KDF1: variants seen among roughly 807,000 people sequenced by gnomAD.
KDF1 encodes the protein RP11-344H11.3.
KDF1 carries 11 observed loss-of-function variants against 31.6 expected under a neutral mutation model. That is an observed-to-expected ratio of 0.35 (90% CI 0.22 to 0.58). The LOEUF (loss-of-function observed/expected upper bound fraction) is 0.58. KDF1 is among the 20% of genes least tolerant of loss of function. The probability of loss-of-function intolerance (pLI) is 0.83; values close to 1 mark genes in which losing one functional copy is unlikely to be tolerated. For missense variants in KDF1, 476 were observed against 549.1 expected (o/e 0.87, Z 1.33); for synonymous variants, 205 against 214.4 (o/e 0.96, Z 0.38).
Position 26,949,856 on chromosome 1 carries a change from C to A in KDF1, c.*213G>T. The A allele has an allele frequency of 1.9e-6, 1 of 513,116 alleles. No individual in the cohort carries two copies. The highest frequency in any genetic ancestry group is 2.1e-5 in the South Asian group (1 of 47,242). 31.8% of individuals were successfully genotyped at this position (513,116 alleles called of 1,614,324 possible). A position where few individuals can be genotyped will look rare whatever the true frequency, so the allele number is the denominator to read the frequency against. On this transcript the variant is annotated 3_prime_UTR_variant, in exon 4 of 4. Coordinates refer to ENST00000320567, the MANE Select transcript of KDF1 (RefSeq NM_152365.3). ...ATGAGCAGGAAGGAAGGGGCCCTGG[C>A]AGGGATCAGACCAGCTGGGGATGCA...
chr1:26,951,276 T>A lies in KDF1; in HGVS notation c.1039+66A>T. On this transcript the variant is annotated intron_variant, in intron 2 of 3. Coordinates refer to ENST00000320567, the MANE Select transcript of KDF1 (RefSeq NM_152365.3). This position sits in a 1 kb window ranked among gnomAD's most constrained non-coding sequence, Gnocchi z 5.4. ...AGACCCACAGTGACTAAAGACCCCATTCCAACCCTCCCCTGGCCAGAGCCT... is the reference window on the plus strand; with the variant it reads ...AGACCCACAGTGACTAAAGACCCCAATCCAACCCTCCCCTGGCCAGAGCCT... 7.0e-7 allele frequency: 1 copy of A among 1,420,664 alleles called. No homozygotes were observed. The highest frequency in any genetic ancestry group is 1.4e-5 in the African/African-American group (1 of 69,374). The allele number at this position is 1,420,664 out of a possible 1,614,324, so 88.0% of individuals were successfully genotyped here.
At position 26,951,213 on chromosome 1, in the gene KDF1, C is replaced by T. The variant is rs1470044796; in HGVS notation, c.1039+129G>A. 4.2e-5 allele frequency: 43 copies of T among 1,031,938 alleles called. No individual in the cohort carries two copies. The highest frequency in any genetic ancestry group is 5.9e-5 in the Non-Finnish European group (43 of 732,254). The allele number at this position is 1,031,938 out of a possible 1,614,324, so 63.9% of individuals were successfully genotyped here. On this transcript the variant is annotated intron_variant, in intron 2 of 3. Transcript: ENST00000320567. This position sits in a 1 kb window ranked among gnomAD's most constrained non-coding sequence, Gnocchi z 5.4. ...TGGGGAGAGGGGATGCAAGAGTTGA[C>T]AGAAAGGAGGAGGAAAGGCAGGGAC... is the stretch of plus-strand genomic sequence containing the variant.
chr1:26,952,282 T>A lies in KDF1; in HGVS notation c.99A>T (p.Pro33=), dbSNP rs754178127. ...TGCGGCGGCTTGGTGGGGGCTGAGG[T>A]GGTTTATCATATGTCTCCAGACATA... is the stretch of plus-strand genomic sequence containing the variant. ...TELCLETYDK[P]PQPPPSRRTR... Residue 33 remains proline (P), a synonymous_variant, in exon 2 of 4, where the codon CCA becomes CCT. Coordinates refer to ENST00000320567, the MANE Select transcript of KDF1 (RefSeq NM_152365.3). This position sits in a 1 kb window ranked among gnomAD's most constrained non-coding sequence, Gnocchi z 4.1. The A allele has an allele frequency of 2.6e-6, 4 of 1,561,874 alleles. No individual in the cohort carries two copies. The highest frequency in any genetic ancestry group is 3.5e-6 in the Non-Finnish European group (4 of 1,153,412).
chr1:26,958,163 C>T lies in KDF1; in HGVS notation c.-33+2187G>A, dbSNP rs1225839693. On this transcript the variant is annotated intron_variant, in intron 1 of 3. Transcript: ENST00000320567. ...TTTTTTTTTTTTTGAGATGGAGTCT[C>T]ACTCTGTTGCCCAGTCTGGAGTGGA... Among the ~76,000 whole-genome samples, 3 of 130,494 alleles carry T rather than the reference C, an allele frequency of 2.3e-5. No homozygotes were observed. The East Asian group carries it at 6.8e-4, about 30-fold the overall frequency. The allele number at this position is 130,494 out of a possible 152,430, so 85.6% of individuals were successfully genotyped here. A position where few individuals can be genotyped will look rare whatever the true frequency, so the allele number is the denominator to read the frequency against.
Position 26,951,975 on chromosome 1 carries a change from G to A in KDF1, c.406C>T (p.Pro136Ser). Residue 136 changes from proline (P) to serine (S), a missense_variant, in exon 2 of 4, where the codon CCC becomes TCC. Physicochemically the swap from Pro to Ser is moderately conservative, Grantham distance 74. Coordinates refer to ENST00000320567, the MANE Select transcript of KDF1 (RefSeq NM_152365.3). This position sits in a 1 kb window ranked among gnomAD's most constrained non-coding sequence, Gnocchi z 5.4. ...CTGGGGGGTGCACGATCAGGGCTGG[G>A]GGGCACTCCATTGTGCTCCTTGGCC... ...NWAKEHNGVPPSPDRAPPSRR... is the reference protein window; with the variant it reads ...NWAKEHNGVPSSPDRAPPSRR... The A allele has an allele frequency of 6.2e-7, 1 of 1,609,664 alleles. No homozygotes were observed. The highest frequency in any genetic ancestry group is 8.5e-7 in the Non-Finnish European group (1 of 1,176,920).
rs749541622 is a variant in KDF1 at position 26,952,070 on chromosome 1, G to C, written c.311C>G (p.Ala104Gly). ...RCRDCLQRCG[A>G]CVRGCSPCLS... ...GCAGGGGCTGCATCCCCGCACACAG[G>C]CTCCACAGCGCTGGAGGCAATCCCG... The change falls in exon 2 of 4, where the codon GCC becomes GGC. Residue 104 changes from alanine (A) to glycine (G), a missense_variant. By Grantham distance (60) the Ala-to-Gly change is moderately conservative. Coordinates refer to ENST00000320567, the MANE Select transcript of KDF1 (RefSeq NM_152365.3). The surrounding 1 kb of genome is among the most constrained non-coding windows in gnomAD (Gnocchi z 4.1). 5.6e-6 allele frequency: 9 copies of C among 1,613,346 alleles called. No individual in the cohort carries two copies. The highest frequency in any genetic ancestry group is 2.2e-5 in the East Asian group (1 of 44,878).
intron 1 of KDF1, among the ~76,000 whole-genome samples, chr1:26,956,808 GCA>G (rs1384958891): frequency 6.6e-6 from 1 of 152,192 alleles, no homozygotes. Context: ...AGGATTATCT[GCA>G]ACCTAATCTC....
Position 26,960,064 on chromosome 1 carries a change from G to A in KDF1, c.-33+286C>T, listed in dbSNP as rs1390599421. On this transcript the variant is annotated intron_variant, in intron 1 of 3. Transcript: ENST00000320567. This position sits in a 1 kb window ranked among gnomAD's most constrained non-coding sequence, Gnocchi z 4.9. ...CCGTCCCGACGCTGTTCCTCGGGGT[G>A]AGCACCAGCGTTTGTCCCATCCCGA... 6.6e-6 allele frequency among the ~76,000 whole-genome samples: 1 copy of A among 152,136 alleles called. No individual in the cohort carries two copies. The highest frequency in any genetic ancestry group is 2.4e-5 in the African/African-American group (1 of 41,452).
rs1480669913 is a variant in KDF1 at position 26,950,795 on chromosome 1, C to G, written c.1040-39G>C. ...GTGAGGCAAGCAGTGGTCATTAGCACGTTCTTTCAACCCTATTTCCTACTT... is the reference window on the plus strand; with the variant it reads ...GTGAGGCAAGCAGTGGTCATTAGCAGGTTCTTTCAACCCTATTTCCTACTT... On this transcript the variant is annotated intron_variant, in intron 2 of 3. Transcript: ENST00000320567. The surrounding 1 kb of genome is among the most constrained non-coding windows in gnomAD (Gnocchi z 4.0). The G allele has an allele frequency of 6.3e-7, 1 of 1,576,632 alleles. No individual in the cohort carries two copies. The highest frequency in any genetic ancestry group is 8.7e-7 in the Non-Finnish European group (1 of 1,146,182).
Position 26,950,086 on chromosome 1 carries a change from GC to G in KDF1, c.1179del (p.Leu393PhefsTer92). 6.2e-7 allele frequency: 1 copy of G among 1,613,898 alleles called. No homozygotes were observed. Among genetic ancestry groups the G allele is most frequent in the Non-Finnish European group, 8.5e-7 (1 of 1,179,816 alleles). The part of the protein sequence containing the change: ...GTDTDSSGAP[L>X]LQVYC ...GGCAGGGGTTAGCAGTACACCTGGAGCAAGGGTGCCCCCGACGAGTCTGTGT... is the reference window on the plus strand; with the variant it reads ...GGCAGGGGTTAGCAGTACACCTGGAGAAGGGTGCCCCCGACGAGTCTGTGT... On this transcript the variant is annotated frameshift_variant, in exon 4 of 4. Transcript: ENST00000320567. LOFTEE classifies it high-confidence loss of function. The surrounding 1 kb of genome is among the most constrained non-coding windows in gnomAD (Gnocchi z 4.0).
chr1:26,951,725 A>C lies in KDF1; in HGVS notation c.656T>G (p.Phe219Cys). 1 of 1,613,902 alleles carries C rather than the reference A, an allele frequency of 6.2e-7. No homozygotes were observed. The highest frequency in any genetic ancestry group is 8.5e-7 in the Non-Finnish European group (1 of 1,180,002). Residue 219 changes from phenylalanine to cysteine, a missense_variant, in exon 2 of 4, where the codon TTC (phenylalanine) becomes TGC (cysteine). By Grantham distance (205) the Phe-to-Cys change is radical. Transcript: ENST00000320567. This position sits in a 1 kb window ranked among gnomAD's most constrained non-coding sequence, Gnocchi z 5.4. ...CGGCAGGTCCAGGTCCGACTCATGG[A>C]AAGAATAGTACTCCTCGGAGCCACG... ...SPRGSEEYYS[F>C]HESDLDLPEM...
chr1:26,954,572 C>G (rs1411310890), intron 1 of KDF1, among the ~76,000 whole-genome samples: 1 of 151,298 alleles, frequency 6.6e-6, no homozygotes, highest in Admixed American at 6.6e-5. Flanking sequence ...GTGGCTAATG[C>G]CTGTAATCCC....
chr1:26,952,035 C>T lies in KDF1; in HGVS notation c.346G>A (p.Glu116Lys). 6.2e-7 allele frequency: 1 copy of T among 1,613,488 alleles called. No individual in the cohort carries two copies. Among genetic ancestry groups the T allele is most frequent in the Non-Finnish European group, 8.5e-7 (1 of 1,179,892 alleles). The change falls in exon 2 of 4, where the codon GAG (glutamate) becomes AAG (lysine). Residue 116 changes from glutamate to lysine, a missense_variant. Around this residue, in one of 2 missense-constraint regions of KDF1, gnomAD observed 330 missense variants for 332.3 expected, o/e 0.99. Coordinates refer to ENST00000320567, the MANE Select transcript of KDF1 (RefSeq NM_152365.3). The surrounding 1 kb of genome is among the most constrained non-coding windows in gnomAD (Gnocchi z 4.1). ...TCAGCAGTCCCCTCAGTGGAGTCCT[C>T]AGTAGACAGGCAGGGGCTGCATCCC... ...VRGCSPCLST[E>K]DSTEGTAEAN...
chr1:26,949,836 C>T lies in KDF1; in HGVS notation c.*233G>A, dbSNP rs987188426. The T allele has an allele frequency of 2.1e-5, 10 of 486,334 alleles. No individual in the cohort carries two copies. In the Admixed American group the frequency reaches 3.0e-4, roughly 15 times the overall value. The allele number at this position is 486,334 out of a possible 1,614,324, so 30.1% of individuals were successfully genotyped here. ...GATCAGGCCACCTGAAGACCATGAG[C>T]AGGAAGGAAGGGGCCCTGGCAGGGA... is the stretch of plus-strand genomic sequence containing the variant. On this transcript the variant is annotated 3_prime_UTR_variant, in exon 4 of 4. Transcript: ENST00000320567.
chr1:26,955,090 T>C (rs1428260066), intron 1 of KDF1, among the ~76,000 whole-genome samples: 2 of 152,084 alleles, frequency 1.3e-5, no homozygotes, highest in South Asian at 4.1e-4. Flanking sequence ...ACTCCTGACC[T>C]CAGGTGATCT....
At chr1:26,959,303 GT>G (rs2082390383) in intron 1 of KDF1, among the ~76,000 whole-genome samples, 1 of 152,166 alleles carries the variant, frequency 6.6e-6, no homozygotes, top group Non-Finnish European at 1.5e-5. Flanking sequence ...AACTCAGGCA[GT>G]TTCTTCCAGG....
intron 1 of KDF1, among the ~76,000 whole-genome samples, chr1:26,959,396 G>A (rs2082391000): frequency 6.6e-6 from 1 of 152,084 alleles, no homozygotes. Flanking sequence ...TTTAGTGAGG[G>A]GAGACTCCCT....
rs2082354743 is a variant in KDF1 at position 26,952,174 on chromosome 1, A to G, written c.207T>C (p.Leu69=). The G allele has an allele frequency of 6.2e-7, 1 of 1,613,370 alleles. No individual in the cohort carries two copies. The highest frequency in any genetic ancestry group is 1.7e-5 in the Admixed American group (1 of 59,988). Residue 69 remains leucine, a synonymous_variant, in exon 2 of 4, where the codon CTT becomes CTC. Coordinates refer to ENST00000320567, the MANE Select transcript of KDF1 (RefSeq NM_152365.3). This position sits in a 1 kb window ranked among gnomAD's most constrained non-coding sequence, Gnocchi z 4.1. ...AGAGCAGGCAGCAGGTGGGGGACTC[A>G]AGGGCCGGCTCAGCAGAGCCAGAGA... ...TFISGSAEPA[L]ESPTCCLLWR...
At chr1:26,955,443 T>C (rs1188400781) in intron 1 of KDF1, among the ~76,000 whole-genome samples, 1 of 152,222 alleles carries the variant, frequency 6.6e-6, no homozygotes, top group African/African-American at 2.4e-5. Flanking sequence ...CCAACCACTG[T>C]TGGTGTCCTT....
Sources: gnomAD v4.1 joint callset for allele counts (sites outside exome capture counted in the v4.1 genomes callset) on GRCh38, gnomAD v4.1.1 for gene constraint, gnomAD v4.1.1 regional missense constraint, Gnocchi (gnomAD v3.1) non-coding constraint, MANE v1.5 for transcripts, NCBI Gene and HGNC (gene_info 2026-07-23, HGNC 2026-07-21) for gene names.